KDM4C: variants seen among roughly 807,000 people sequenced by gnomAD.
KDM4C encodes lysine demethylase 4C.
A neutral mutation model predicts 129.3 loss-of-function variants in KDM4C; 81 were observed. The observed-to-expected ratio is 0.63, with a 90% CI of 0.52 to 0.75. KDM4C has a LOEUF of 0.75. KDM4C is among the 30% of genes least tolerant of loss of function. KDM4C has a pLI of 0.00. For missense variants in KDM4C, 1,457 were observed against 1,304.0 expected (o/e 1.12, Z -1.81); for synonymous variants, 573 against 456.1 (o/e 1.26, Z -3.26).
intron 1 of KDM4C, among the ~76,000 whole-genome samples, chr9:6,749,813 C>A (rs1818009900): frequency 6.6e-6 from 1 of 150,600 alleles, no homozygotes; most frequent in Non-Finnish European, 1.5e-5. Context: ...ATGGTGAAAC[C>A]CTGTCTGTAC....
At chr9:7,019,972 A>G (rs530004833) in intron 15 of KDM4C, among the ~76,000 whole-genome samples, 1 of 151,992 alleles carries the variant, frequency 6.6e-6, no homozygotes, top group South Asian at 2.1e-4. Context: ...TAAAGAGTAG[A>G]TGTCGCTCTA....
chr9:6,913,402 G>A (rs1478034568), intron 8 of KDM4C, among the ~76,000 whole-genome samples: 3 of 152,192 alleles, frequency 2.0e-5, no homozygotes, highest in African/African-American at 4.8e-5. Context: ...AGAATCTAAT[G>A]CACTGTCTTA....
At chr9:6,953,444 T>A (rs1828533894) in intron 8 of KDM4C, among the ~76,000 whole-genome samples, 1 of 152,266 alleles carries the variant, frequency 6.6e-6, no homozygotes, top group Non-Finnish European at 1.5e-5. Context: ...ATACTTGCAA[T>A]GCAATAATCT....
At chr9:6,726,133 C>A (rs4742246) in intron 1 of KDM4C, among the ~76,000 whole-genome samples, 83,849 of 151,576 alleles carry the variant, frequency 0.55, 23,431 homozygotes, top group African/African-American at 0.64. Flanking sequence ...TTCGCCGTCG[C>A]GGCCAGACTG....
At chr9:7,145,060 C>G (rs1842094104) in intron 19 of KDM4C, among the ~76,000 whole-genome samples, 1 of 152,186 alleles carries the variant, frequency 6.6e-6, no homozygotes, top group Admixed American at 6.5e-5. Context: ...CAGCCTCCCT[C>G]TGGGCCCACC....
intron 3 of KDM4C, among the ~76,000 whole-genome samples, chr9:6,811,346 G>A (rs1831110057): frequency 6.6e-6 from 1 of 152,068 alleles, no homozygotes; most frequent in Non-Finnish European, 1.5e-5. Flanking sequence ...ATGGAGATGG[G>A]GTTTCAACAT....
intron 8 of KDM4C, among the ~76,000 whole-genome samples, chr9:6,953,192 A>G (rs747838110): frequency 1.3e-4 from 20 of 152,208 alleles, no homozygotes; most frequent in African/African-American, 4.3e-4. Flanking sequence ...TTTATTATGA[A>G]AAGCATCAGA....
chr9:6,771,031 C>T (rs185271930), intron 1 of KDM4C, among the ~76,000 whole-genome samples: 1,940 of 150,026 alleles, frequency 0.013, 48 homozygotes, highest in African/African-American at 0.045. Context: ...GCCTTGGCCT[C>T]CCAAAGTGCT....
At chr9:6,972,254 T>G (rs1355308935) in intron 8 of KDM4C, among the ~76,000 whole-genome samples, 1 of 151,980 alleles carries the variant, frequency 6.6e-6, no homozygotes, top group East Asian at 1.9e-4. Context: ...TGTGTGTGTG[T>G]GTATATATAT....
In KDM4C at chr9:7,175,605, GA is replaced by G. The variant is rs1845365578; in HGVS notation, c.*880del. 6.6e-6 allele frequency: 1 copy of G among 152,360 alleles called. No individual in the cohort carries two copies. The highest frequency in any genetic ancestry group is 2.4e-5 in the African/African-American group (1 of 41,384). 9.4% of individuals were successfully genotyped at this position (152,360 alleles called of 1,614,324 possible). On this transcript the variant is annotated 3_prime_UTR_variant, in exon 22 of 22. Transcript: ENST00000381309. Reference sequence around the variant, plus strand: ...TGATTTTTCTTTTTTAAAACAGCCTGAAAATGTACTAGTGTTTAAAAATAAA... The same window carrying G: ...TGATTTTTCTTTTTTAAAACAGCCTGAAATGTACTAGTGTTTAAAAATAAA...
At chr9:7,169,361 G>T (rs918139144) in intron 20 of KDM4C, among the ~76,000 whole-genome samples, 1 of 152,096 alleles carries the variant, frequency 6.6e-6, no homozygotes, top group Admixed American at 6.5e-5. Context: ...TTTTGAGACG[G>T]AGTCTTACTC....
rs72703371 is a variant in KDM4C, at chr9:7,070,861, C to T, written c.2424+21661C>T. ...TACTGAGTGCAGATCCTAGCTGGTG[C>T]TGTAAGGCAAGAAAAATGAATTCAA... On this transcript the variant is annotated intron_variant, in intron 17 of 21. Transcript: ENST00000381309. 3.4e-3 allele frequency among the ~76,000 whole-genome samples: 513 copies of T among 152,238 alleles called. 1 individual carries two copies. The highest frequency in any genetic ancestry group is 5.4e-3 in the Non-Finnish European group (365 of 67,994).
rs1491581614 is a variant in KDM4C, at chr9:7,068,682, C to CTCTCTTTTTTTTTTTTTTT, written c.2424+19483_2424+19484insCTCTTTTTTTTTTTTTTTT. ...CTATTTCATACATGTTTATGATGCC[C>CTCTCTTTTTTTTTTTTTTT]TTTCTTTTTTTTTTTTTTTTTTTTT... On this transcript the variant is annotated intron_variant, in intron 17 of 21. Transcript: ENST00000381309. Among the ~76,000 whole-genome samples the CTCTCTTTTTTTTTTTTTTT allele has an allele frequency of 6.8e-5, 6 of 88,534 alleles. 2 individuals are homozygous for CTCTCTTTTTTTTTTTTTTT. The highest frequency in any genetic ancestry group is 2.3e-5 in the Non-Finnish European group (1 of 43,514). The allele number at this position is 88,534 out of a possible 152,430, so 58.1% of individuals were successfully genotyped here.
Position 6,803,719 on chromosome 9 carries a change from G to A in KDM4C, c.145-1880G>A, listed in dbSNP as rs974045273. Among the ~76,000 whole-genome samples the A allele has an allele frequency of 7.3e-5, 11 of 150,284 alleles. No homozygotes were observed. In the East Asian group the frequency reaches 1.9e-3, roughly 27 times the overall value. ...GCTCAGGAATTTGAGACCAGCCTGG[G>A]CAACATGGCGAAACCCCATCTGTAA... On this transcript the variant is annotated intron_variant, in intron 2 of 21. Coordinates refer to ENST00000381309, the MANE Select transcript of KDM4C (RefSeq NM_015061.6).
intron 6 of KDM4C, 123 bp downstream of exon 6, chr9:6,880,184 G>C: frequency 4.2e-6 from 2 of 470,614 alleles, no homozygotes; most frequent in Non-Finnish European, 3.8e-6. Context: ...TTCTATTCAA[G>C]TTATTGACTT....
intron 16 of KDM4C, among the ~76,000 whole-genome samples, chr9:7,048,277 G>C (rs1829690346): frequency 6.6e-6 from 1 of 152,036 alleles, no homozygotes. Flanking sequence ...GAATGCCCTG[G>C]TGGGATCGAT....
At chr9:6,721,700 T>G (rs1440273803) in intron 1 of KDM4C, among the ~76,000 whole-genome samples, 1 of 151,738 alleles carries the variant, frequency 6.6e-6, no homozygotes, top group Non-Finnish European at 1.5e-5. Flanking sequence ...GCAATTCTCC[T>G]GCCTCAGCCT....
At chr9:6,785,884 G>T (rs1002636349) in intron 1 of KDM4C, among the ~76,000 whole-genome samples, 1 of 152,340 alleles carries the variant, frequency 6.6e-6, no homozygotes, top group African/African-American at 2.4e-5. Flanking sequence ...CCAGTGTGCT[G>T]AGTGTTGGGA....
At chr9:6,767,421 G>A (rs1236519789) in intron 1 of KDM4C, among the ~76,000 whole-genome samples, 1 of 151,612 alleles carries the variant, frequency 6.6e-6, no homozygotes, top group Admixed American at 6.6e-5. Context: ...GATTACAGGC[G>A]TGAGCCACCA....
Sources: allele counts gnomAD v4.1 joint callset (sites outside exome capture counted in the v4.1 genomes callset), GRCh38; gene constraint gnomAD v4.1.1; transcripts MANE v1.5; gene names NCBI Gene and HGNC (gene_info 2026-07-23, HGNC 2026-07-21).